Variants in CCDC172 observed in about 807,000 individuals in gnomAD.
CCDC172 encodes the protein coiled-coil domain containing 172.
CCDC172 carries 30 observed loss-of-function variants against 38.0 expected under a neutral mutation model. That is an observed-to-expected ratio of 0.79 (90% CI 0.59 to 1.07). The LOEUF (loss-of-function observed/expected upper bound fraction) is 1.07, where lower values mean the gene tolerates loss of function less well. Ranked by LOEUF, CCDC172 falls within the 50% of genes least tolerant of loss-of-function variation. The pLI is 0.00. For missense variants in CCDC172, 297 were observed against 290.1 expected, an observed-to-expected ratio of 1.02 and a Z score of -0.17; for synonymous variants, 78 against 88.3, an observed-to-expected ratio of 0.88 and a Z score of 0.66.
chr10:116,354,361 A>T (rs538744977), intron 5 of CCDC172, among the ~76,000 whole-genome samples: 1 of 151,926 alleles, frequency 6.6e-6, no homozygotes, highest in South Asian at 2.1e-4. Context: ...CTGTAAAAAA[A>T]GTTAACTGTA....
At position 116,340,765 on chromosome 10, in the gene CCDC172, T is replaced by TAA; in HGVS notation, c.198_199insAA (p.Gln67AsnfsTer4). The TAA allele has an allele frequency of 6.2e-7, 1 of 1,602,736 alleles. No homozygotes were observed. Among genetic ancestry groups the TAA allele is most frequent in the Non-Finnish European group, 8.5e-7 (1 of 1,172,644 alleles). ...CAGTTTTTTGAAAAATCCTTCTTCT[T>TAA]ACAGCTTTTGAAAGCTCATGAAAAT... On this transcript the variant is annotated frameshift_variant, in exon 4 of 9. Coordinates refer to ENST00000333254, the MANE Select transcript of CCDC172 (RefSeq NM_198515.3). LOFTEE classifies it high-confidence loss of function.
At chr10:116,362,909 A>T (rs1200873774) in intron 7 of CCDC172, among the ~76,000 whole-genome samples, 2 of 152,150 alleles carry the variant, frequency 1.3e-5, no homozygotes, top group African/African-American at 2.4e-5. Context: ...TGTTTTGTGA[A>T]TCCTTGGCAC....
At chr10:116,366,469 T>A (rs2134962708) in intron 7 of CCDC172, among the ~76,000 whole-genome samples, 1 of 152,328 alleles carries the variant, frequency 6.6e-6, no homozygotes, top group Admixed American at 6.5e-5. Context: ...TTATTTGTAT[T>A]TGTTTTTGAG....
chr10:116,359,145 T>C (rs1178712996), intron 7 of CCDC172, among the ~76,000 whole-genome samples: 1 of 152,202 alleles, frequency 6.6e-6, no homozygotes. Context: ...ATTAGCATGT[T>C]TCATAAGTTT....
chr10:116,332,464 C>T (rs2577386), intron 3 of CCDC172, among the ~76,000 whole-genome samples: 147,854 of 152,188 alleles, frequency 0.97, 71,828 homozygotes, highest in East Asian at 1. Context: ...TTGTGAATGA[C>T]AGATCTTCTA....
Position 116,359,704 on chromosome 10 carries a change from A to G in CCDC172, c.653+1766A>G, listed in dbSNP as rs189463127. The stretch of plus-strand genomic sequence containing the variant: ...TAAGGTTATTATGACTTCTACATTC[A>G]TTAACTTTAACCAGTAAGAAAGCAA... On this transcript the variant is annotated intron_variant, in intron 7 of 8. Coordinates refer to ENST00000333254, the MANE Select transcript of CCDC172 (RefSeq NM_198515.3). 7.2e-5 allele frequency among the ~76,000 whole-genome samples: 11 copies of G among 152,374 alleles called. No homozygotes were observed. In the East Asian group the frequency reaches 1.2e-3, roughly 16 times the overall value.
At chr10:116,325,152 A>T in intron 2 of CCDC172, 62 bp downstream of exon 2, 1 of 1,567,704 alleles carries the variant, frequency 6.4e-7, no homozygotes, top group Non-Finnish European at 8.8e-7. Flanking sequence ...TGCTTGGAGC[A>T]GAAGGAAATC....
intron 3 of CCDC172, among the ~76,000 whole-genome samples, chr10:116,326,327 G>A (rs1242618438): frequency 1.1e-4 from 16 of 152,264 alleles, no homozygotes; most frequent in Non-Finnish European, 1.8e-4. Flanking sequence ...TTATTTAAGT[G>A]TGCCACAATG....
intron 5 of CCDC172, among the ~76,000 whole-genome samples, chr10:116,356,466 G>A (rs904520197): frequency 6.6e-6 from 1 of 151,898 alleles, no homozygotes; most frequent in African/African-American, 2.4e-5. Flanking sequence ...AGAGGCCGCA[G>A]AAGAAGAGAC....
At chr10:116,375,053 A>G (rs1845229436) in intron 7 of CCDC172, among the ~76,000 whole-genome samples, 1 of 152,166 alleles carries the variant, frequency 6.6e-6, no homozygotes, top group African/African-American at 2.4e-5. Flanking sequence ...TATTTCCCTG[A>G]TTCAGAATGA....
At chr10:116,372,041 T>C (rs1845191576) in intron 7 of CCDC172, among the ~76,000 whole-genome samples, 1 of 152,090 alleles carries the variant, frequency 6.6e-6, no homozygotes, top group African/African-American at 2.4e-5. Flanking sequence ...CTATCTACCA[T>C]TGAGTGGTTA....
intron 5 of CCDC172, among the ~76,000 whole-genome samples, chr10:116,352,606 G>A (rs1844944511): frequency 6.6e-6 from 1 of 151,888 alleles, no homozygotes; most frequent in Non-Finnish European, 1.5e-5. Flanking sequence ...GGGATAGAAG[G>A]GACTTTCCTC....
chr10:116,378,312 A>G, intron 7 of CCDC172, 111 bp from the exon 8 acceptor site: 1 of 1,047,078 alleles, frequency 9.6e-7, no homozygotes, highest in South Asian at 2.1e-5. Flanking sequence ...CCAATTATTT[A>G]GTCTTAACTT....
chr10:116,338,703 G>A (rs1235654684), intron 3 of CCDC172, among the ~76,000 whole-genome samples: 1 of 152,020 alleles, frequency 6.6e-6, no homozygotes, highest in Non-Finnish European at 1.5e-5. Context: ...GGTAATTTAA[G>A]CTCTTAGTCA....
At chr10:116,326,819 A>G (rs907329865) in intron 3 of CCDC172, among the ~76,000 whole-genome samples, 2 of 152,166 alleles carry the variant, frequency 1.3e-5, no homozygotes, top group African/African-American at 2.4e-5. Flanking sequence ...AGTTTGATAG[A>G]TAATAGGGAG....
At chr10:116,324,646 G>C (rs1264817442) in intron 1 of CCDC172, 33 bp downstream of exon 1, 1 of 194,686 alleles carries the variant, frequency 5.1e-6, no homozygotes, top group African/African-American at 2.3e-5. Flanking sequence ...CCACCAAAGC[G>C]AAAAACAAAC....
intron 5 of CCDC172, among the ~76,000 whole-genome samples, chr10:116,355,634 G>A (rs1844986636): frequency 6.6e-6 from 1 of 152,092 alleles, no homozygotes; most frequent in South Asian, 2.1e-4. Flanking sequence ...TTATATTCAG[G>A]CATCAAATAA....
chr10:116,367,544 T>C (rs1365134933), intron 7 of CCDC172, among the ~76,000 whole-genome samples: 3 of 151,828 alleles, frequency 2.0e-5, no homozygotes, highest in Admixed American at 2.0e-4. Context: ...AAAAAACTTA[T>C]CTGGGCGTGG....
At chr10:116,336,050 C>T (rs1278434739) in intron 3 of CCDC172, among the ~76,000 whole-genome samples, 1 of 151,974 alleles carries the variant, frequency 6.6e-6, no homozygotes, top group Non-Finnish European at 1.5e-5. Flanking sequence ...CCCTGTAATC[C>T]CAGCTACCCG....
Sources: gnomAD v4.1 joint callset for allele counts (sites outside exome capture counted in the v4.1 genomes callset) on GRCh38, gnomAD v4.1.1 for gene constraint, MANE v1.5 for transcripts, NCBI Gene and HGNC (gene_info 2026-07-23, HGNC 2026-07-21) for gene names.